The following ATF3 variants were observed in gnomAD, a reference collection of about 807,000 sequenced individuals.
ATF3 encodes cyclic AMP-dependent transcription factor ATF-3.
A neutral mutation model predicts 18.4 loss-of-function variants in ATF3; 10 were observed. The observed-to-expected ratio is 0.54, with a 90% CI of 0.34 to 0.92. ATF3 has a LOEUF of 0.92. ATF3 is among the 40% of genes least tolerant of loss of function. The probability of loss-of-function intolerance (pLI) is 0.02; values close to 1 mark genes in which losing one functional copy is unlikely to be tolerated. For missense variants in ATF3, 183 were observed against 222.3 expected (o/e 0.82, Z 1.12); for synonymous variants, 78 against 87.9 (o/e 0.89, Z 0.63).
At chr1:212,579,046 C>CT (rs1249089490) in intron 1 of ATF3, among the ~76,000 whole-genome samples, 1 of 133,226 alleles carries the variant, frequency 7.5e-6, no homozygotes, top group African/African-American at 2.8e-5. Flanking sequence ...GAGTCTCACT[C>CT]TGTTGCCCAG....
At chr1:212,613,807 T>C (rs1258513957) in intron 1 of ATF3, 2 of 152,308 alleles carry the variant, frequency 1.3e-5, no homozygotes, top group African/African-American at 4.8e-5. Context: ...AGGCCAAGAC[T>C]TATGGGGGAC....
chr1:212,612,060 G>C (rs1320477281), intron 1 of ATF3, among the ~76,000 whole-genome samples: 1 of 152,184 alleles, frequency 6.6e-6, no homozygotes, highest in Admixed American at 6.5e-5. Flanking sequence ...TACCTCGAGA[G>C]ACTGAGTAAA....
chr1:212,590,530 T>G (rs1368909496), intron 1 of ATF3, among the ~76,000 whole-genome samples: 4 of 152,200 alleles, frequency 2.6e-5, no homozygotes, highest in Admixed American at 2.6e-4. Flanking sequence ...GTTGGTGGCA[T>G]GTGTGTGGGG....
chr1:212,567,079 T>C (rs1201735794), intron 1 of ATF3, among the ~76,000 whole-genome samples: 1 of 152,196 alleles, frequency 6.6e-6, no homozygotes, highest in Non-Finnish European at 1.5e-5. Flanking sequence ...GCCACTTCTT[T>C]GAAGCTGTTC....
At chr1:212,609,375 T>TGGGGGGGGGGGG (rs1192833712) in intron 1 of ATF3, among the ~76,000 whole-genome samples, 3 of 67,270 alleles carry the variant, frequency 4.5e-5, no homozygotes, top group African/African-American at 1.1e-4. Context: ...CCTTCCCGGG[T>TGGGGGGGGGGGG]GGGGGGGGGG....
intron 1 of ATF3, among the ~76,000 whole-genome samples, chr1:212,568,897 T>C (rs1250704861): frequency 6.6e-6 from 1 of 152,140 alleles, no homozygotes. Context: ...TGGGTGTGGG[T>C]GACTATTCCT....
chr1:212,605,662 T>C (rs1478843615), upstream of ATF3, among the ~76,000 whole-genome samples: 2 of 152,272 alleles, frequency 1.3e-5, no homozygotes, highest in African/African-American at 4.8e-5. Flanking sequence ...CTCCCTGCAA[T>C]GTTTTTCTGT....
intron 1 of ATF3, among the ~76,000 whole-genome samples, chr1:212,570,753 C>G (rs1664465773): frequency 1.3e-5 from 2 of 152,138 alleles, no homozygotes; most frequent in African/African-American, 4.8e-5. Flanking sequence ...TCTTTGACAG[C>G]ATAATGTTTT....
chr1:212,606,338 G>A (rs1295446263), upstream of ATF3, among the ~76,000 whole-genome samples: 1 of 152,186 alleles, frequency 6.6e-6, no homozygotes, highest in African/African-American at 2.4e-5. Flanking sequence ...TCAGACTTCC[G>A]TGAACAGCTG....
At chr1:212,595,273 A>G (rs1203947337) in intron 1 of ATF3, among the ~76,000 whole-genome samples, 4 of 152,246 alleles carry the variant, frequency 2.6e-5, no homozygotes, top group African/African-American at 7.2e-5. Flanking sequence ...GCCGGTTCAT[A>G]TAGCTGAAAA....
chr1:212,606,477 C>A (rs1212734697), upstream of ATF3, among the ~76,000 whole-genome samples: 1 of 152,216 alleles, frequency 6.6e-6, no homozygotes, highest in Admixed American at 6.5e-5. Context: ...CTTCTCCCCC[C>A]ACCCCAATTA....
Position 212,618,918 on chromosome 1 carries a change from C to T in ATF3, c.349-440C>T. The T allele has an allele frequency of 8.2e-7, 1 of 1,220,978 alleles. No homozygotes were observed. Among genetic ancestry groups the T allele is most frequent in the Non-Finnish European group, 1.2e-6 (1 of 848,710 alleles). The allele number at this position is 1,220,978 out of a possible 1,614,324, so 75.6% of individuals were successfully genotyped here. The stretch of plus-strand genomic sequence containing the variant: ...TCCCCAAAAGTTCTGTTGATTGCTT[C>T]AGGGGATCAGTGAAAATTAGGGAAT... On this transcript the variant is annotated intron_variant, in intron 3 of 3. Transcript: ENST00000341491. This position sits in a 1 kb window ranked among gnomAD's most constrained non-coding sequence, Gnocchi z 4.4.
chr1:212,571,553 A>G (rs1263115028), intron 1 of ATF3, among the ~76,000 whole-genome samples: 1 of 150,494 alleles, frequency 6.6e-6, no homozygotes, highest in Non-Finnish European at 1.5e-5. Context: ...GATTACAGCC[A>G]CCACCACGCC....
chr1:212,614,928 GCT>G (rs2102657851), intron 1 of ATF3, 88 bp from the exon 2 acceptor site: 1 of 1,610,040 alleles, frequency 6.2e-7, no homozygotes, highest in South Asian at 1.1e-5. Context: ...TGAGGGTGGG[GCT>G]CTGGTGTTGG....
At chr1:212,616,767 T>C (rs1469907353) in intron 2 of ATF3, among the ~76,000 whole-genome samples, 1 of 152,042 alleles carries the variant, frequency 6.6e-6, no homozygotes, top group Non-Finnish European at 1.5e-5. Flanking sequence ...TGGCTTTGGA[T>C]CTGACTTGAA....
intron 1 of ATF3, among the ~76,000 whole-genome samples, chr1:212,573,089 T>C (rs979516921): frequency 7.2e-5 from 11 of 152,182 alleles, no homozygotes; most frequent in African/African-American, 2.7e-4. Flanking sequence ...TTTTCTCCCT[T>C]CCAGTGTTTG....
chr1:212,582,370 A>C lies in ATF3; in HGVS notation c.-5+16887A>C, dbSNP rs529749044. Among the ~76,000 whole-genome samples, 14 of 152,344 alleles carry C rather than the reference A, an allele frequency of 9.2e-5. No homozygotes were observed. The South Asian group carries it at 1.9e-3, about 20-fold the overall frequency. ...TTTGCACATCTTGAGGCTCATAAAGAGACTGAAGTCGCCAACCAATGGCTC... is the reference window on the plus strand; with the variant it reads ...TTTGCACATCTTGAGGCTCATAAAGCGACTGAAGTCGCCAACCAATGGCTC... On this transcript the variant is annotated intron_variant, in intron 1 of 3. Transcript: ENST00000366981.
chr1:212,600,449 C>T (rs186702100), intron 1 of ATF3, among the ~76,000 whole-genome samples: 2 of 152,340 alleles, frequency 1.3e-5, no homozygotes, highest in East Asian at 1.9e-4. Flanking sequence ...CTCTCCATTC[C>T]GTATTTTCAT....
chr1:212,619,623 G>A lies in ATF3; in HGVS notation c.*68G>A. The A allele has an allele frequency of 1.9e-6, 3 of 1,580,234 alleles. No homozygotes were observed. Among genetic ancestry groups the A allele is most frequent in the Non-Finnish European group, 2.6e-6 (3 of 1,160,694 alleles). Reference sequence around the variant, plus strand: ...CTCATTTTATACCCAAAACCCTGAAGCCATTGGAGAGCTGTCTTCCTGTGT... The same window carrying A: ...CTCATTTTATACCCAAAACCCTGAAACCATTGGAGAGCTGTCTTCCTGTGT... On this transcript the variant is annotated 3_prime_UTR_variant, in exon 4 of 4. Transcript: ENST00000341491. This position sits in a 1 kb window ranked among gnomAD's most constrained non-coding sequence, Gnocchi z 4.4.
Sources: gnomAD v4.1 joint callset for allele counts (sites outside exome capture counted in the v4.1 genomes callset) on GRCh38, gnomAD v4.1.1 for gene constraint, Gnocchi (gnomAD v3.1) non-coding constraint, MANE v1.5 for transcripts, NCBI Gene and HGNC (gene_info 2026-07-23, HGNC 2026-07-21) for gene names.